NTRK2: variants seen among roughly 807,000 people sequenced by gnomAD.
NTRK2 encodes the protein neurotrophic receptor tyrosine kinase 2, also known as BDNF/NT-3 growth factors receptor.
In NTRK2, 13 loss-of-function variants were observed where a neutral mutation model predicts 94.5. The observed-to-expected ratio is 0.14, with a 90% CI of 0.09 to 0.22. The LOEUF (loss-of-function observed/expected upper bound fraction) is 0.22. NTRK2 is among the 10% of genes least tolerant of loss of function. The probability of loss-of-function intolerance (pLI) is 1.00; values close to 1 mark genes in which losing one functional copy is unlikely to be tolerated. For synonymous variants in NTRK2, 372 were observed against 407.4 expected (o/e 0.91, Z 1.05); for missense variants, 639 against 1,071.2 (o/e 0.60, Z 5.63).
At chr9:84,928,306 T>C (rs1311827061) in intron 14 of NTRK2, among the ~76,000 whole-genome samples, 1 of 152,216 alleles carries the variant, frequency 6.6e-6, no homozygotes, top group Non-Finnish European at 1.5e-5. Flanking sequence ...TTTTTGTTAA[T>C]TTTATTTTAT....
intron 16 of NTRK2, among the ~76,000 whole-genome samples, chr9:84,950,490 T>G (rs4877893): frequency 0.053 from 8,097 of 152,306 alleles, 299 homozygotes; most frequent in East Asian, 0.13. Context: ...CATCAGCTGC[T>G]GGTGTCCCTT....
At chr9:84,803,697 A>G (rs1227559179) in intron 12 of NTRK2, among the ~76,000 whole-genome samples, 1 of 152,198 alleles carries the variant, frequency 6.6e-6, no homozygotes, top group Non-Finnish European at 1.5e-5. Flanking sequence ...TCCCTGGCCA[A>G]ACGGAACCCA....
Position 85,023,521 on chromosome 9 carries a change from G to T in NTRK2, c.*2084G>T, listed in dbSNP as rs1473541974. The stretch of plus-strand genomic sequence containing the variant: ...AGGGAGTTGACAAGATAAACCTTAC[G>T]TCCATTCAAGTTATATGCTGGCCTA... On this transcript the variant is annotated 3_prime_UTR_variant, in exon 19 of 19. Transcript: ENST00000277120. 4.3e-6 allele frequency: 1 copy of T among 232,544 alleles called. No homozygotes were observed. 14.4% of individuals were successfully genotyped at this position (232,544 alleles called of 1,614,324 possible).
intron 17 of NTRK2, among the ~76,000 whole-genome samples, chr9:85,010,965 G>A (rs1831499728): frequency 6.6e-6 from 1 of 152,174 alleles, no homozygotes; most frequent in Non-Finnish European, 1.5e-5. Flanking sequence ...GCAACATGGA[G>A]TCCAGGAAGC....
At chr9:84,970,989 T>G (rs1346369850) in intron 17 of NTRK2, among the ~76,000 whole-genome samples, 1 of 152,250 alleles carries the variant, frequency 6.6e-6, no homozygotes, top group Non-Finnish European at 1.5e-5. Context: ...CTTTTACTTT[T>G]TTCTTGTTCC....
At chr9:84,674,699 T>C (rs909954129) in intron 2 of NTRK2, among the ~76,000 whole-genome samples, 2 of 152,196 alleles carry the variant, frequency 1.3e-5, no homozygotes, top group African/African-American at 4.8e-5. Context: ...TTAATACAAC[T>C]TGCAAGCTGG....
chr9:84,963,110 C>T (rs184049514), intron 17 of NTRK2, among the ~76,000 whole-genome samples: 120 of 152,300 alleles, frequency 7.9e-4, no homozygotes, highest in African/African-American at 2.5e-3. Flanking sequence ...AACTGCAATC[C>T]GAGGAGGAAG....
chr9:84,913,087 T>C (rs971887216), intron 14 of NTRK2, among the ~76,000 whole-genome samples: 3 of 152,204 alleles, frequency 2.0e-5, no homozygotes, highest in Non-Finnish European at 4.4e-5. Context: ...TATTTTTTGT[T>C]TTCTGTTTGT....
At chr9:84,684,894 A>G (rs1443327448) in intron 2 of NTRK2, among the ~76,000 whole-genome samples, 1 of 152,086 alleles carries the variant, frequency 6.6e-6, no homozygotes, top group African/African-American at 2.4e-5. Context: ...TTGTCTTCTA[A>G]TGTCAGTTAA....
chr9:84,861,874 G>A (rs2075356240), intron 13 of NTRK2, among the ~76,000 whole-genome samples: 1 of 152,156 alleles, frequency 6.6e-6, no homozygotes, highest in South Asian at 2.1e-4. Context: ...AGGTAAAATG[G>A]CAAAGTAGGG....
chr9:84,887,997 AT>A lies in NTRK2; in HGVS notation c.1633+20574del, dbSNP rs376983192. On this transcript the variant is annotated intron_variant, in intron 14 of 18. Coordinates refer to ENST00000277120, the MANE Select transcript of NTRK2 (RefSeq NM_006180.6). ...AATGTTACAAGGGATGACAAAACCC[AT>A]TTTTTTTAAAGGTACACAACGTCTG... 1.5e-3 allele frequency among the ~76,000 whole-genome samples: 223 copies of A among 152,210 alleles called. 1 individual carries two copies. Among genetic ancestry groups the A allele is most frequent in the African/African-American group, 4.9e-3 (205 of 41,550 alleles).
intron 14 of NTRK2, chr9:84,871,720 G>C (rs2075873483): frequency 7.6e-7 from 1 of 1,310,880 alleles, no homozygotes; most frequent in African/African-American, 1.5e-5. Context: ...CAGGATTGTA[G>C]AGCAATCTGA....
At chr9:84,675,351 T>G (rs1222574383) in intron 2 of NTRK2, among the ~76,000 whole-genome samples, 1 of 88,708 alleles carries the variant, frequency 1.1e-5, no homozygotes, top group Admixed American at 1.4e-4. Flanking sequence ...TTTTTTTTTT[T>G]GCCTTGAGTG....
intron 7 of NTRK2, 101 bp downstream of exon 7, chr9:84,723,810 C>CTACA (rs1464862947): frequency 6.7e-7 from 1 of 1,484,804 alleles, no homozygotes; most frequent in Non-Finnish European, 9.4e-7. Flanking sequence ...TTTTATAAGG[C>CTACA]TACATATAGA....
In NTRK2 at chr9:84,865,637, G is replaced by T. The variant is rs180781433; in HGVS notation, c.1445-1606G>T. Among the ~76,000 whole-genome samples, 145 of 152,332 alleles carry T rather than the reference G, an allele frequency of 9.5e-4. 1 individual carries two copies. Among genetic ancestry groups the T allele is most frequent in the African/African-American group, 3.4e-3 (140 of 41,584 alleles). ...CTGAAACATGCATTTAGTAGGGGGG[G>T]TTGGAAGAAAGCACATTTCCTTGCG... On this transcript the variant is annotated intron_variant, in intron 13 of 18. Coordinates refer to ENST00000277120, the MANE Select transcript of NTRK2 (RefSeq NM_006180.6).
intron 17 of NTRK2, among the ~76,000 whole-genome samples, chr9:84,963,864 A>G (rs1392130350): frequency 1.3e-5 from 2 of 152,044 alleles, no homozygotes; most frequent in Non-Finnish European, 2.9e-5. Context: ...TTCTCCTGCA[A>G]TGTCTAATTT....
At chr9:84,770,757 G>A (rs1414518440) in intron 12 of NTRK2, among the ~76,000 whole-genome samples, 5 of 152,204 alleles carry the variant, frequency 3.3e-5, no homozygotes, top group East Asian at 1.9e-4. Flanking sequence ...TTTTTTCCAC[G>A]TTTCATAATA....
At chr9:84,969,070 T>C (rs553964578) in intron 17 of NTRK2, among the ~76,000 whole-genome samples, 1 of 152,348 alleles carries the variant, frequency 6.6e-6, no homozygotes, top group East Asian at 1.9e-4. Flanking sequence ...ACTTCATGCA[T>C]TGTTGGTCCA....
intron 17 of NTRK2, among the ~76,000 whole-genome samples, chr9:84,962,045 T>C (rs2133055057): frequency 1.3e-5 from 2 of 152,332 alleles, no homozygotes; most frequent in East Asian, 3.9e-4. Flanking sequence ...TATTATCACA[T>C]TTCACAGGGG....
Sources: allele counts gnomAD v4.1 joint callset (sites outside exome capture counted in the v4.1 genomes callset), GRCh38; gene constraint gnomAD v4.1.1; transcripts MANE v1.5; gene names NCBI Gene and HGNC (gene_info 2026-07-23, HGNC 2026-07-21).